The following OXR1 variants were observed in gnomAD, a reference collection of about 807,000 sequenced individuals.
OXR1 encodes oxidation resistance protein 1.
In OXR1, 41 loss-of-function variants were observed where a neutral mutation model predicts 104.6. The observed-to-expected ratio is 0.39, with a 90% CI of 0.31 to 0.51. OXR1 has a LOEUF of 0.51. Among genes scored for constraint, OXR1 ranks in the 20% least tolerant of loss-of-function variants. OXR1 has a pLI of 0.77. For synonymous variants in OXR1, 348 were observed against 348.4 expected, an observed-to-expected ratio of 1.00 and a Z score of 0.01; for missense variants, 955 against 1,031.9, an observed-to-expected ratio of 0.93 and a Z score of 1.02.
intron 2 of OXR1, among the ~76,000 whole-genome samples, chr8:106,491,878 A>C (rs1431263497): frequency 6.6e-6 from 1 of 152,198 alleles, no homozygotes. Context: ...TATCTTTGTC[A>C]CCTTTAGTAT....
intron 3 of OXR1, among the ~76,000 whole-genome samples, chr8:106,676,461 T>C (rs1827604488): frequency 6.6e-6 from 1 of 152,170 alleles, no homozygotes; most frequent in Non-Finnish European, 1.5e-5. Flanking sequence ...CCTTTCCATA[T>C]TTTAGGGTTC....
At position 106,335,143 on chromosome 8, in the gene OXR1, G is replaced by A. The variant is rs377030673; in HGVS notation, c.-138-24333G>A. Among the ~76,000 whole-genome samples the A allele has an allele frequency of 5.3e-5, 8 of 151,554 alleles. No homozygotes were observed. The East Asian group carries it at 5.8e-4, about 11-fold the overall frequency. Reference sequence around the variant, plus strand: ...CTCTGTCCTTTCCATGTGTTGTTTCGTCTGCTGAAACACTTTTATTTTCTC... The same window carrying A: ...CTCTGTCCTTTCCATGTGTTGTTTCATCTGCTGAAACACTTTTATTTTCTC... On this transcript the variant is annotated intron_variant, in intron 1 of 16. Transcript: ENST00000517566.
intron 7 of OXR1, among the ~76,000 whole-genome samples, chr8:106,694,557 T>A (rs1201520946): frequency 7.9e-6 from 1 of 126,978 alleles, no homozygotes; most frequent in East Asian, 2.2e-4. Flanking sequence ...TATAAATATG[T>A]TTATATATAT....
chr8:106,742,467 C>A, intron 15 of OXR1, 150 bp downstream of exon 15: 2 of 527,158 alleles, frequency 3.8e-6, no homozygotes, highest in Middle Eastern at 4.5e-4. Context: ...CATGTGGAAC[C>A]CAAAAAGAGC....
chr8:106,522,681 T>A (rs890422116), intron 3 of OXR1: 1 of 152,228 alleles, frequency 6.6e-6, no homozygotes, highest in Non-Finnish European at 1.5e-5. Context: ...CTGTGTAATC[T>A]GGCACAAGTT....
intron 3 of OXR1, among the ~76,000 whole-genome samples, chr8:106,636,410 T>C (rs944215266): frequency 2.0e-5 from 3 of 152,136 alleles, no homozygotes; most frequent in African/African-American, 7.2e-5. Flanking sequence ...GTGGCAGTAT[T>C]TGTGCTAGTA....
chr8:106,578,499 C>T (rs1238944543), intron 3 of OXR1, among the ~76,000 whole-genome samples: 1 of 152,102 alleles, frequency 6.6e-6, no homozygotes, highest in South Asian at 2.1e-4. Context: ...CTTTAACTTG[C>T]GAGTAAATGA....
At chr8:106,419,908 C>T (rs1297897182) in intron 2 of OXR1, among the ~76,000 whole-genome samples, 1 of 152,094 alleles carries the variant, frequency 6.6e-6, no homozygotes, top group East Asian at 1.9e-4. Flanking sequence ...TGGATAAATG[C>T]ATACACGTTA....
At chr8:106,324,072 G>T (rs908664136) in intron 1 of OXR1, among the ~76,000 whole-genome samples, 3 of 152,152 alleles carry the variant, frequency 2.0e-5, no homozygotes, top group African/African-American at 4.8e-5. Flanking sequence ...AATGTTCATT[G>T]CAGCAGTGTT....
At chr8:106,646,051 A>G (rs1824050448) in intron 3 of OXR1, among the ~76,000 whole-genome samples, 1 of 152,008 alleles carries the variant, frequency 6.6e-6, no homozygotes, top group African/African-American at 2.4e-5. Context: ...CTGGCAACAG[A>G]TTTAGGTTTT....
intron 9 of OXR1, 108 bp from the exon 10 acceptor site, chr8:106,710,514 A>C: frequency 1.7e-6 from 1 of 598,260 alleles, no homozygotes. Flanking sequence ...CACTAAAGTG[A>C]GGTTTTATTC....
intron 2 of OXR1, among the ~76,000 whole-genome samples, chr8:106,489,966 G>A (rs1229840360): frequency 6.6e-6 from 1 of 152,094 alleles, no homozygotes; most frequent in Non-Finnish European, 1.5e-5. Flanking sequence ...ATTATACCAG[G>A]ACAACTGGCT....
At chr8:106,363,728 G>T (rs1816346245) in intron 2 of OXR1, among the ~76,000 whole-genome samples, 1 of 152,062 alleles carries the variant, frequency 6.6e-6, no homozygotes, top group Non-Finnish European at 1.5e-5. Context: ...AGCCATCTAG[G>T]TTGGACCTTC....
At chr8:106,499,317 T>C (rs531288593) in intron 2 of OXR1, among the ~76,000 whole-genome samples, 237 of 152,356 alleles carry the variant, frequency 1.6e-3, no homozygotes, top group African/African-American at 5.4e-3. Context: ...TTTATTCTTA[T>C]GAAAAATGTT....
chr8:106,477,489 G>T (rs1358763958), intron 2 of OXR1, among the ~76,000 whole-genome samples: 1 of 151,896 alleles, frequency 6.6e-6, no homozygotes, highest in Non-Finnish European at 1.5e-5. Context: ...ACTTTGAATG[G>T]CTCTGTGTAG....
chr8:106,669,727 A>C (rs1489519072), intron 3 of OXR1, among the ~76,000 whole-genome samples: 1 of 152,198 alleles, frequency 6.6e-6, no homozygotes, highest in East Asian at 1.9e-4. Context: ...CTTTTATTAC[A>C]TTAAACCTGA....
chr8:106,431,817 T>C (rs1388969576), intron 2 of OXR1, among the ~76,000 whole-genome samples: 2 of 152,168 alleles, frequency 1.3e-5, no homozygotes, highest in Admixed American at 6.5e-5. Context: ...TCTGGGAAAA[T>C]GTGAAAACCA....
intron 3 of OXR1, among the ~76,000 whole-genome samples, chr8:106,576,296 C>T (rs1406486261): frequency 1.3e-5 from 2 of 150,648 alleles, no homozygotes; most frequent in African/African-American, 2.4e-5. Context: ...TTCTGTATCT[C>T]GTAAATTTTC....
intron 2 of OXR1, among the ~76,000 whole-genome samples, chr8:106,444,395 T>G (rs1007185462): frequency 1.3e-5 from 2 of 152,198 alleles, no homozygotes; most frequent in Non-Finnish European, 2.9e-5. Context: ...CACACATGTT[T>G]ATTGCAGCAC....
Sources: allele counts gnomAD v4.1 joint callset (sites outside exome capture counted in the v4.1 genomes callset), GRCh38; gene constraint gnomAD v4.1.1; transcripts MANE v1.5; gene names NCBI Gene and HGNC (gene_info 2026-07-23, HGNC 2026-07-21).